The following ZNF500 variants were observed in gnomAD, a reference collection of about 807,000 sequenced individuals.
The protein encoded by ZNF500 is zinc finger protein with KRAB and SCAN domains 18.
ZNF500 carries 31 observed loss-of-function variants against 30.1 expected under a neutral mutation model. The ratio of observed to expected loss-of-function variants is 1.03; its 90% CI spans 0.77 to 1.39. The LOEUF (loss-of-function observed/expected upper bound fraction) is 1.39, where lower values mean the gene tolerates loss of function less well. Ranked by LOEUF, ZNF500 falls within the 40% of genes most tolerant of loss-of-function variation. ZNF500 has a pLI of 0.00. For synonymous variants in ZNF500, 392 were observed against 282.0 expected (o/e 1.39, Z -3.91); for missense variants, 817 against 657.8 (o/e 1.24, Z -2.65).
In ZNF500 at chr16:4,752,773, C is replaced by A; in HGVS notation, c.1046G>T (p.Gly349Val). 1 of 1,614,260 alleles carries A rather than the reference C, an allele frequency of 6.2e-7. No homozygotes were observed. Among genetic ancestry groups the A allele is most frequent in the Non-Finnish European group, 8.5e-7 (1 of 1,180,042 alleles). Residue 349 changes from glycine to valine, a missense_variant, in exon 6 of 6, where the codon GGC becomes GTC. Coordinates refer to ENST00000219478, the MANE Select transcript of ZNF500 (RefSeq NM_021646.4). ...GACTAGGCACTTGTAAGGCCGCTCG[C>A]CCGTGTGTGTGCGCTGGTGCTTGGT... ...HLTKHQRTHTGERPYKCLVCG... is the reference protein window; with the variant it reads ...HLTKHQRTHTVERPYKCLVCG...
At chr16:4,761,879 AC>A (rs1282270453) in intron 4 of ZNF500, among the ~76,000 whole-genome samples, 47 of 151,774 alleles carry the variant, frequency 3.1e-4, no homozygotes, top group African/African-American at 1.1e-3. Flanking sequence ...AAACAAACAA[AC>A]AAACAAAAAC....
intron 4 of ZNF500, 21 bp downstream of exon 4, chr16:4,762,250 G>T (rs775471517): frequency 6.2e-7 from 1 of 1,609,248 alleles, no homozygotes. Context: ...GGATGCTGCA[G>T]ACCAGGAGCA....
Position 4,753,059 on chromosome 16 carries a change from C to T in ZNF500, c.761-1G>A. 2.6e-6 allele frequency: 4 copies of T among 1,511,194 alleles called. No individual in the cohort carries two copies. Among genetic ancestry groups the T allele is most frequent in the Non-Finnish European group, 2.6e-6 (3 of 1,136,386 alleles). The allele number at this position is 1,511,194 out of a possible 1,614,324, so 93.6% of individuals were successfully genotyped here. ...CCGTCCTCCAACTGGATCCCAGGTCCTGAGACAGAGAAAGCACGATCTCTA... is the reference window on the plus strand; with the variant it reads ...CCGTCCTCCAACTGGATCCCAGGTCTTGAGACAGAGAAAGCACGATCTCTA... On this transcript the variant is annotated splice_acceptor_variant, in intron 5 of 5. Coordinates refer to ENST00000219478, the MANE Select transcript of ZNF500 (RefSeq NM_021646.4). LOFTEE classifies it high-confidence loss of function.
At chr16:4,747,520 G>C (rs767807614), downstream of ZNF500, 32 of 1,613,082 alleles carry the variant, frequency 2.0e-5, no homozygotes, top group Non-Finnish European at 2.7e-5. Context: ...CCAAGGGGCA[G>C]AGCGCCCAGG....
intron 2 of ZNF500, among the ~76,000 whole-genome samples, chr16:4,764,618 A>G (rs1230369804): frequency 6.6e-6 from 1 of 151,852 alleles, no homozygotes; most frequent in African/African-American, 2.4e-5. Context: ...TGTCTCTACT[A>G]AAAATACAAA....
In ZNF500 at chr16:4,765,947, GGCAGGGGCT is replaced by G. The variant is rs759422428; in HGVS notation, c.23_31del (p.Gln8_Leu10del). On this transcript the variant is annotated inframe_deletion, in exon 2 of 6. Transcript: ENST00000219478. Reference sequence around the variant, plus strand: ...CTGTTCCAGGTCCTGCTCCAAGGTTGGCAGGGGCTGGAGGCCAGGGACAGTGGCCATTGC... The same window carrying G: ...CTGTTCCAGGTCCTGCTCCAAGGTTGGGAGGCCAGGGACAGTGGCCATTGC... 3.8e-5 allele frequency: 61 copies of G among 1,590,258 alleles called. No individual in the cohort carries two copies. In the South Asian group the frequency reaches 6.6e-4, roughly 17 times the overall value.
At chr16:4,746,879 A>G, downstream of ZNF500, 1 of 1,473,712 alleles carries the variant, frequency 6.8e-7, no homozygotes, top group Admixed American at 2.5e-5. Context: ...AAGAGTTGGA[A>G]CACCAGGTGG....
chr16:4,755,460 G>C (rs1338855061), intron 5 of ZNF500, among the ~76,000 whole-genome samples: 2 of 152,094 alleles, frequency 1.3e-5, no homozygotes, highest in East Asian at 1.9e-4. Context: ...GGGATTACAG[G>C]AGTGAGCCAC....
chr16:4,751,937 G>A lies in ZNF500; in HGVS notation c.*439C>T. On this transcript the variant is annotated 3_prime_UTR_variant, in exon 6 of 6. Transcript: ENST00000219478. ...AAAAAAGGGGGGGGGAGCAGGTGGG[G>A]GGTACACACAGAGACAGCGCACAGG... 7.2e-6 allele frequency: 3 copies of A among 417,436 alleles called. No individual in the cohort carries two copies. Among genetic ancestry groups the A allele is most frequent in the Non-Finnish European group, 1.1e-5 (3 of 276,028 alleles). 25.9% of individuals were successfully genotyped at this position (417,436 alleles called of 1,614,324 possible).
intron 4 of ZNF500, 140 bp downstream of exon 4, chr16:4,762,131 G>T: frequency 1.0e-6 from 1 of 983,198 alleles, no homozygotes; most frequent in Non-Finnish European, 1.6e-6. Flanking sequence ...TTGGGGCAAA[G>T]GGAGAAAACT....
At chr16:4,747,052 C>G (rs903193709), downstream of ZNF500, 1 of 1,502,930 alleles carries the variant, frequency 6.7e-7, no homozygotes, top group Non-Finnish European at 8.9e-7. Context: ...CTCTCGCCAC[C>G]TGCAGATGTC....
chr16:4,762,434 C>T (rs757077074), intron 3 of ZNF500, 99 bp from the exon 4 acceptor site: 289 of 1,521,834 alleles, frequency 1.9e-4, no homozygotes, highest in Admixed American at 2.8e-4. Context: ...CGGCTGCCCA[C>T]CCAAGATCCA....
chr16:4,761,581 T>C (rs1002972273), intron 4 of ZNF500, among the ~76,000 whole-genome samples: 1 of 151,148 alleles, frequency 6.6e-6, no homozygotes, highest in Non-Finnish European at 1.5e-5. Flanking sequence ...CATGGTGGCT[T>C]ATGCCTGTAA....
At chr16:4,763,942 C>T in intron 2 of ZNF500, 1 of 985,414 alleles carries the variant, frequency 1.0e-6, no homozygotes, top group Non-Finnish European at 1.2e-6. Context: ...GTCAGCACTG[C>T]CCATGTGCCC....
chr16:4,765,455 A>C, intron 2 of ZNF500, 110 bp downstream of exon 2: 1 of 1,451,448 alleles, frequency 6.9e-7, no homozygotes, highest in Non-Finnish European at 9.3e-7. Context: ...AAAAGGGCTC[A>C]GGGGCCAGGC....
chr16:4,760,064 A>G (rs1398455089), intron 5 of ZNF500, among the ~76,000 whole-genome samples: 2 of 152,058 alleles, frequency 1.3e-5, no homozygotes, highest in East Asian at 3.9e-4. Flanking sequence ...ACAAAAAACC[A>G]GAAAAGGCTT....
Position 4,751,645 on chromosome 16 carries a change from C to T in ZNF500, c.*731G>A. On this transcript the variant is annotated 3_prime_UTR_variant, in exon 6 of 6. Transcript: ENST00000219478. ...TCCCTCAAATTCATGTGCACCCAGA[C>T]CTCAGAATGTGACCTTATTTGGAAA... 1 of 1,535,246 alleles carries T rather than the reference C, an allele frequency of 6.5e-7. No homozygotes were observed. Among genetic ancestry groups the T allele is most frequent in the Non-Finnish European group, 8.7e-7 (1 of 1,146,662 alleles).
Position 4,752,934 on chromosome 16 carries a change from T to C in ZNF500, c.885A>G (p.Pro295=), listed in dbSNP as rs774387503. 4 of 1,613,050 alleles carry C rather than the reference T, an allele frequency of 2.5e-6. No homozygotes were observed. Among genetic ancestry groups the C allele is most frequent in the Middle Eastern group, 1.6e-4 (1 of 6,084 alleles). The change falls in exon 6 of 6, where the codon CCA becomes CCG. Residue 295 remains proline, a synonymous_variant. Coordinates refer to ENST00000219478, the MANE Select transcript of ZNF500 (RefSeq NM_021646.4). ...GCCTGACCAAGCCCCTGACTGGGGC[T>C]GGCCTCTGACCTGGGAGCGGGTGGC... ...GPGHPLPGQR[P]APVRGLVRPD...
chr16:4,760,628 G>C lies in ZNF500; in HGVS notation c.664-40C>G, dbSNP rs914211218. On this transcript the variant is annotated intron_variant, in intron 4 of 5. Transcript: ENST00000219478. ...CCCACTCAGTCCTGGCCCCAAGCAA[G>C]CTGCCTCCTCCCCAACTAAGGCCAC... The C allele has an allele frequency of 1.9e-6, 3 of 1,582,164 alleles. No homozygotes were observed. In the African/African-American group the frequency reaches 4.0e-5, roughly 21 times the overall value.
Sources: gnomAD v4.1 joint callset for allele counts (sites outside exome capture counted in the v4.1 genomes callset) on GRCh38, gnomAD v4.1.1 for gene constraint, MANE v1.5 for transcripts, NCBI Gene and HGNC (gene_info 2026-07-23, HGNC 2026-07-21) for gene names.